The following ZKSCAN7 variants were observed in gnomAD, a reference collection of about 807,000 sequenced individuals.
ZKSCAN7 encodes the protein zinc finger protein with KRAB and SCAN domains 7.
In ZKSCAN7, 38 loss-of-function variants were observed where a neutral mutation model predicts 65.3. The observed-to-expected ratio is 0.58, with a 90% CI of 0.45 to 0.76. The LOEUF (loss-of-function observed/expected upper bound fraction) is 0.76. Among genes scored for constraint, ZKSCAN7 ranks in the 30% least tolerant of loss-of-function variants. The probability of loss-of-function intolerance (pLI) is 0.00; values close to 1 mark genes in which losing one functional copy is unlikely to be tolerated. For missense variants in ZKSCAN7, 815 were observed against 913.3 expected, an observed-to-expected ratio of 0.89 and a Z score of 1.39; for synonymous variants, 321 against 321.0, an observed-to-expected ratio of 1.00 and a Z score of 0.00.
intron 5 of ZKSCAN7, among the ~76,000 whole-genome samples, chr3:44,569,685 G>A (rs1355479008): frequency 6.6e-6 from 1 of 152,016 alleles, no homozygotes; most frequent in Non-Finnish European, 1.5e-5. Flanking sequence ...TGGTTGTGCT[G>A]GCTTAGTATC....
At chr3:44,576,383 C>A (rs999990355), downstream of ZKSCAN7, among the ~76,000 whole-genome samples, 9 of 152,074 alleles carry the variant, frequency 5.9e-5, no homozygotes, top group African/African-American at 2.2e-4. Context: ...TATGTGGATG[C>A]GGAACCCAAG....
At chr3:44,578,411 C>G in intron 5 of ZKSCAN7, 1 of 1,614,074 alleles carries the variant, frequency 6.2e-7, no homozygotes, top group Non-Finnish European at 8.5e-7. Context: ...CGTCCGCAAC[C>G]GTGTGATCTC....
At chr3:44,565,068 G>T (rs146500758) in intron 2 of ZKSCAN7, among the ~76,000 whole-genome samples, 1 of 152,190 alleles carries the variant, frequency 6.6e-6, no homozygotes, top group Admixed American at 6.5e-5. Context: ...CTCCAAAAGT[G>T]CTGGGATTAC....
Position 44,556,970 on chromosome 3 carries a change from G to T in ZKSCAN7, c.-78G>T, listed in dbSNP as rs890293535. ...CCCCTTTCTCCAACCCTGAAAAACAGTTCCTGAGACCTGAACTATTGACCA... is the reference window on the plus strand; with the variant it reads ...CCCCTTTCTCCAACCCTGAAAAACATTTCCTGAGACCTGAACTATTGACCA... On this transcript the variant is annotated 5_prime_UTR_variant, in exon 2 of 6. Transcript: ENST00000426540. The T allele has an allele frequency of 6.0e-5, 96 of 1,590,386 alleles. 1 individual carries two copies. The highest frequency in any genetic ancestry group is 4.2e-5 in the Non-Finnish European group (49 of 1,167,328).
At chr3:44,581,611 C>T (rs1700088686) in intron 5 of ZKSCAN7, among the ~76,000 whole-genome samples, 1 of 151,780 alleles carries the variant, frequency 6.6e-6, no homozygotes, top group African/African-American at 2.4e-5. Flanking sequence ...TGAGGGAACC[C>T]ACGAAAAAAG....
downstream of ZKSCAN7, among the ~76,000 whole-genome samples, chr3:44,574,538 T>A (rs1248149679): frequency 1.3e-5 from 2 of 152,252 alleles, no homozygotes; most frequent in African/African-American, 2.4e-5. Flanking sequence ...ACATTTTCAT[T>A]TGCGTTCATT....
At chr3:44,578,463 G>A (rs973579824) in intron 5 of ZKSCAN7, among the ~76,000 whole-genome samples, 1 of 152,244 alleles carries the variant, frequency 6.6e-6, no homozygotes, top group Non-Finnish European at 1.5e-5. Context: ...TGGGCATTGA[G>A]CTCCTGGTTC....
rs150442192 is a variant in ZKSCAN7, at chr3:44,563,990, G to GGA, written c.424-1491_424-1490dup. Among the ~76,000 whole-genome samples, 490 of 152,314 alleles carry GGA rather than the reference G, an allele frequency of 3.2e-3. 5 individuals are homozygous for GGA. The highest frequency in any genetic ancestry group is 0.025 in the Admixed American group (382 of 15,292). On this transcript the variant is annotated intron_variant, in intron 2 of 5. Transcript: ENST00000426540. ...CTACACTGGTGAGATATATATTAAA[G>GGA]GAGAGAGTCCCTTAACATCTCAGCA...
intron 5 of ZKSCAN7, chr3:44,580,376 A>T: frequency 6.2e-7 from 1 of 1,606,680 alleles, no homozygotes; most frequent in South Asian, 1.1e-5. Context: ...TCTGAGCTGG[A>T]CTCAGACTGC....
At chr3:44,578,419 C>T (rs1192973140) in intron 5 of ZKSCAN7, 31 of 1,614,008 alleles carry the variant, frequency 1.9e-5, no homozygotes, top group Non-Finnish European at 2.3e-5. Context: ...ACCGTGTGAT[C>T]TCTGCAGCCA....
intron 5 of ZKSCAN7, among the ~76,000 whole-genome samples, chr3:44,578,711 A>T (rs1699983457): frequency 6.6e-6 from 1 of 151,860 alleles, no homozygotes; most frequent in South Asian, 2.1e-4. Context: ...GGCGTTCTTC[A>T]TGGCTTCGAT....
rs756701074 is a variant in ZKSCAN7 at position 44,570,714 on chromosome 3, A to G, written c.1604A>G (p.Asn535Ser). 8 of 1,613,762 alleles carry G rather than the reference A, an allele frequency of 5.0e-6. No homozygotes were observed. The East Asian group carries it at 1.6e-4, about 31-fold the overall frequency. ...GAGTGTGGGAGAGCATTCTGTTCCA[A>G]TAGAAATCTCATTGACCATCAGAGA... ...CNECGRAFCS[N>S]RNLIDHQRIH... is the part of the protein sequence containing the mutation. Residue 535 changes from asparagine (N) to serine (S), a missense_variant, in exon 6 of 6, where the codon AAT becomes AGT. This residue lies in a region of ZKSCAN7 where 578 missense variants were observed against 629.5 expected (regional missense o/e 0.92). Transcript: ENST00000426540.
At chr3:44,561,724 C>T (rs953473499) in intron 2 of ZKSCAN7, among the ~76,000 whole-genome samples, 7 of 152,178 alleles carry the variant, frequency 4.6e-5, no homozygotes, top group Non-Finnish European at 7.3e-5. Flanking sequence ...AAGTCCAAAA[C>T]CAAGCAGGGC....
At chr3:44,565,712 C>G (rs1699613205) in intron 3 of ZKSCAN7, 57 bp downstream of exon 3, 1 of 1,449,522 alleles carries the variant, frequency 6.9e-7, no homozygotes, top group South Asian at 1.5e-5. Context: ...CCTCTGGAGT[C>G]TCCTTTCCTT....
At chr3:44,556,891 A>C in intron 1 of ZKSCAN7, 39 bp from the exon 2 acceptor site, 1 of 999,210 alleles carries the variant, frequency 1.0e-6, no homozygotes, top group Non-Finnish European at 1.5e-6. Context: ...CCTGGGGCTG[A>C]ATACTCCAAG....
Position 44,571,218 on chromosome 3 carries a change from G to A in ZKSCAN7, c.2108G>A (p.Ser703Asn). ...GATTGTGGGAAAGCTTTTAGTGACA[G>A]CTCACAGCTTATTGTACACCAGAGA... Reference protein sequence around the residue: ...CNDCGKAFSDSSQLIVHQRVH... With the variant: ...CNDCGKAFSDNSQLIVHQRVH... Residue 703 changes from serine to asparagine, a missense_variant, in exon 6 of 6, where the codon AGC becomes AAC. By Grantham distance (46) the Ser-to-Asn change is conservative. This residue lies in a region of ZKSCAN7 where 578 missense variants were observed against 629.5 expected (regional missense o/e 0.92). Coordinates refer to ENST00000426540, the MANE Select transcript of ZKSCAN7 (RefSeq NM_001288590.2). The A allele has an allele frequency of 1.2e-6, 2 of 1,614,174 alleles. No individual in the cohort carries two copies. The highest frequency in any genetic ancestry group is 1.7e-6 in the Non-Finnish European group (2 of 1,180,042).
At chr3:44,577,135 T>A (rs924257090), downstream of ZKSCAN7, among the ~76,000 whole-genome samples, 197 of 152,158 alleles carry the variant, frequency 1.3e-3, 1 homozygote, top group African/African-American at 4.2e-3. Context: ...GGCTAATTTT[T>A]AAAAAAATTT....
intron 5 of ZKSCAN7, chr3:44,582,894 G>A (rs1388621578): frequency 2.4e-6 from 1 of 416,698 alleles, no homozygotes; most frequent in African/African-American, 2.2e-5. Flanking sequence ...CTCCCTTAAT[G>A]TACATGAATA....
chr3:44,578,374 C>T lies in ZKSCAN7; in HGVS notation c.812-4598C>T, dbSNP rs1057445675. ...CCTGTGCAAGGGGTGACCCAGTGGC[C>T]TCCCCACCGCCGTCCCCAGTCAGCA... On this transcript the variant is annotated intron_variant, in intron 5 of 5. Transcript: ENST00000341840. The T allele has an allele frequency of 3.1e-6, 5 of 1,612,544 alleles. No homozygotes were observed. The African/African-American group carries it at 5.3e-5, about 17-fold the overall frequency.
Sources: allele counts gnomAD v4.1 joint callset (sites outside exome capture counted in the v4.1 genomes callset), GRCh38; gene constraint gnomAD v4.1.1; regional missense constraint gnomAD v4.1.1; transcripts MANE v1.5; gene names NCBI Gene and HGNC (gene_info 2026-07-23, HGNC 2026-07-21).